Variants in NAALADL2 observed in about 807,000 individuals in gnomAD.
The protein encoded by NAALADL2 is inactive N-acetylated-alpha-linked acidic dipeptidase-like protein 2.
In NAALADL2, 76 loss-of-function variants were observed where a neutral mutation model predicts 87.2. The observed-to-expected ratio is 0.87, with a 90% CI of 0.72 to 1.05. The LOEUF is 1.05. NAALADL2 is among the 50% of genes least tolerant of loss of function. The pLI is 0.00. For synonymous variants in NAALADL2, 354 were observed against 331.0 expected (o/e 1.07, Z -0.75); for missense variants, 1,089 against 945.8 (o/e 1.15, Z -1.99).
intron 2 of NAALADL2, among the ~76,000 whole-genome samples, chr3:174,564,694 G>A (rs1002962111): frequency 2.6e-5 from 4 of 151,942 alleles, no homozygotes; most frequent in Admixed American, 2.0e-4. Context: ...ACATACAATT[G>A]AGAATTGTTA....
At chr3:174,924,499 G>A (rs1417184075) in intron 1 of NAALADL2, among the ~76,000 whole-genome samples, 1 of 151,934 alleles carries the variant, frequency 6.6e-6, no homozygotes, top group Non-Finnish European at 1.5e-5. Context: ...CTTTGCTATT[G>A]TGAATAGTGC....
intron 1 of NAALADL2, among the ~76,000 whole-genome samples, chr3:174,891,337 C>A (rs138414499): frequency 1.3e-5 from 2 of 152,114 alleles, no homozygotes; most frequent in East Asian, 3.9e-4. Context: ...ACACCTTATA[C>A]GAACCCCAAA....
At chr3:175,114,212 A>G (rs1724715075) in intron 2 of NAALADL2, among the ~76,000 whole-genome samples, 1 of 151,526 alleles carries the variant, frequency 6.6e-6, no homozygotes, top group African/African-American at 2.4e-5. Flanking sequence ...GCAGGTATAG[A>G]CAAAATGCCC....
chr3:174,448,795 C>T (rs1024594888), intron 1 of NAALADL2, among the ~76,000 whole-genome samples: 1 of 152,138 alleles, frequency 6.6e-6, no homozygotes, highest in African/African-American at 2.4e-5. Flanking sequence ...GTAGTCCGTT[C>T]AGGCAATCAT....
chr3:175,132,798 C>T (rs1002710631), intron 2 of NAALADL2, among the ~76,000 whole-genome samples: 1 of 151,634 alleles, frequency 6.6e-6, no homozygotes, highest in Non-Finnish European at 1.5e-5. Context: ...ACCCCCACCT[C>T]CCTCCCGGAC....
intron 4 of NAALADL2, among the ~76,000 whole-genome samples, chr3:175,289,385 G>T (rs1755375023): frequency 6.6e-6 from 1 of 152,056 alleles, no homozygotes; most frequent in Admixed American, 6.6e-5. Context: ...AATGGATAGA[G>T]TCCAGAAACT....
At chr3:174,564,181 T>A (rs2108518117) in intron 2 of NAALADL2, among the ~76,000 whole-genome samples, 1 of 152,234 alleles carries the variant, frequency 6.6e-6, no homozygotes, top group East Asian at 1.9e-4. Context: ...GTTGGAGGGG[T>A]ACTTTTACGT....
intron 5 of NAALADL2, among the ~76,000 whole-genome samples, chr3:175,370,962 A>G (rs1043861309): frequency 3.3e-5 from 5 of 152,282 alleles, no homozygotes; most frequent in Admixed American, 2.0e-4. Flanking sequence ...TCATAACATT[A>G]TGTTCAGAAT....
intron 1 of NAALADL2, among the ~76,000 whole-genome samples, chr3:174,529,828 T>C (rs183322179): frequency 2.0e-5 from 3 of 152,158 alleles, no homozygotes; most frequent in African/African-American, 7.2e-5. Flanking sequence ...ATCAAATCCC[T>C]AAACTGCACA....
In NAALADL2 at chr3:174,702,994, A is replaced by G. The variant is rs1209966587; in HGVS notation, c.-114-34647A>G. 2.0e-5 allele frequency among the ~76,000 whole-genome samples: 3 copies of G among 152,224 alleles called. No homozygotes were observed. In the East Asian group the frequency reaches 5.8e-4, roughly 29 times the overall value. ...CTTGGGAAAGAAAACAAAGAGCTGAAAAATATTGTAGCAGAAAGTAAGTTT... is the reference window on the plus strand; with the variant it reads ...CTTGGGAAAGAAAACAAAGAGCTGAGAAATATTGTAGCAGAAAGTAAGTTT... On this transcript the variant is annotated intron_variant, in intron 2 of 3. Coordinates refer to the NAALADL2 transcript ENST00000434257.
chr3:175,395,554 C>A (rs1769669137), intron 5 of NAALADL2, among the ~76,000 whole-genome samples: 1 of 152,120 alleles, frequency 6.6e-6, no homozygotes, highest in Non-Finnish European at 1.5e-5. Flanking sequence ...ATTCCAAGAT[C>A]CCAACAACAG....
intron 2 of NAALADL2, among the ~76,000 whole-genome samples, chr3:175,161,222 A>G (rs1431430700): frequency 6.6e-6 from 1 of 152,114 alleles, no homozygotes; most frequent in African/African-American, 2.4e-5. Flanking sequence ...TCTGCAAGCA[A>G]CAGAAGCCAA....
At chr3:175,766,709 G>C (rs1197455997) in intron 13 of NAALADL2, among the ~76,000 whole-genome samples, 2 of 152,096 alleles carry the variant, frequency 1.3e-5, no homozygotes, top group African/African-American at 4.8e-5. Flanking sequence ...AGAGAATTAA[G>C]AGAAAGGATC....
At chr3:175,571,754 T>C (rs887232289) in intron 9 of NAALADL2, among the ~76,000 whole-genome samples, 1 of 152,188 alleles carries the variant, frequency 6.6e-6, no homozygotes, top group South Asian at 2.1e-4. Context: ...CCAGGAATGT[T>C]TTTCTCTTAA....
intron 1 of NAALADL2, among the ~76,000 whole-genome samples, chr3:174,516,969 CT>C (rs994734417): frequency 6.6e-6 from 1 of 151,618 alleles, no homozygotes; most frequent in Non-Finnish European, 1.5e-5. Context: ...TTAAATTATT[CT>C]TTAGGTTTTA....
At chr3:175,732,226 T>C (rs912816817) in intron 11 of NAALADL2, among the ~76,000 whole-genome samples, 16 of 152,222 alleles carry the variant, frequency 1.1e-4, no homozygotes, top group Non-Finnish European at 1.9e-4. Context: ...GGCAGGCTAA[T>C]AGGAGAAAAA....
intron 6 of NAALADL2, chr3:175,460,098 A>T (rs952271923): frequency 2.2e-6 from 1 of 453,740 alleles, no homozygotes. Context: ...TAAGTACAGG[A>T]TTGCTTTTGT....
At chr3:175,697,134 A>C (rs1737912521) in intron 11 of NAALADL2, among the ~76,000 whole-genome samples, 1 of 152,108 alleles carries the variant, frequency 6.6e-6, no homozygotes, top group Non-Finnish European at 1.5e-5. Context: ...TGAAGCCAAC[A>C]TCAAGCAAGA....
intron 2 of NAALADL2, among the ~76,000 whole-genome samples, chr3:174,615,026 C>T (rs763948732): frequency 1.3e-5 from 2 of 152,150 alleles, no homozygotes; most frequent in Admixed American, 6.5e-5. Flanking sequence ...TGTAACAGTG[C>T]ATTTACCTCA....
Sources: gnomAD v4.1 joint callset for allele counts (sites outside exome capture counted in the v4.1 genomes callset) on GRCh38, gnomAD v4.1.1 for gene constraint, MANE v1.5 for transcripts, NCBI Gene and HGNC (gene_info 2026-07-23, HGNC 2026-07-21) for gene names.